IGF2BP1: variants seen among roughly 807,000 people sequenced by gnomAD.
IGF2BP1 encodes the protein insulin-like growth factor 2 mRNA-binding protein 1.
A neutral mutation model predicts 74.9 loss-of-function variants in IGF2BP1; 11 were observed. The observed-to-expected ratio is 0.15, with a 90% CI of 0.09 to 0.24. The LOEUF is 0.24. Among genes scored for constraint, IGF2BP1 ranks in the 10% least tolerant of loss-of-function variants. The pLI is 1.00. For synonymous variants in IGF2BP1, 287 were observed against 281.8 expected (o/e 1.02, Z -0.18); for missense variants, 440 against 757.4 (o/e 0.58, Z 4.92).
chr17:49,046,092 T>C (rs2042104904), intron 13 of IGF2BP1, 71 bp downstream of exon 13: 6 of 1,568,976 alleles, frequency 3.8e-6, no homozygotes, highest in Non-Finnish European at 5.2e-6. Flanking sequence ...TCTGGTCTCC[T>C]GTACTGCTCA....
intron 2 of IGF2BP1, among the ~76,000 whole-genome samples, chr17:49,021,458 G>GT (rs1167378574): frequency 6.6e-6 from 1 of 152,110 alleles, no homozygotes; most frequent in Non-Finnish European, 1.5e-5. Flanking sequence ...GCCCAGCAGC[G>GT]TTTGAGAGGT....
At chr17:49,018,317 G>C (rs1428665060) in intron 2 of IGF2BP1, among the ~76,000 whole-genome samples, 1 of 152,178 alleles carries the variant, frequency 6.6e-6, no homozygotes, top group Non-Finnish European at 1.5e-5. Context: ...CGTGAGCATG[G>C]TGTGTGTGTT....
rs1189640851 is a variant in IGF2BP1 at position 49,026,647 on chromosome 17, GCCTGCCTT to G, written c.337+150_337+157del. 4.0e-4 allele frequency: 197 copies of G among 492,452 alleles called. 1 individual carries two copies. Among genetic ancestry groups the G allele is most frequent in the Middle Eastern group, 3.0e-3 (5 of 1,692 alleles). 30.5% of individuals were successfully genotyped at this position (492,452 alleles called of 1,614,324 possible). Reference sequence around the variant, plus strand: ...TTCCTTCCTTCCTGCCTTCCTTCCTGCCTGCCTTCCTGCCTTCCTGCCTTCCTTCCTGC... The same window carrying G: ...TTCCTTCCTTCCTGCCTTCCTTCCTGCCTGCCTTCCTGCCTTCCTTCCTGC... On this transcript the variant is annotated intron_variant, in intron 4 of 14. Coordinates refer to ENST00000290341, the MANE Select transcript of IGF2BP1 (RefSeq NM_006546.4).
chr17:49,053,547 G>A lies in IGF2BP1; in HGVS notation c.*4103G>A, dbSNP rs2042191155. 6.5e-6 allele frequency: 1 copy of A among 152,870 alleles called. No individual in the cohort carries two copies. Among genetic ancestry groups the A allele is most frequent in the African/African-American group, 2.4e-5 (1 of 41,448 alleles). The allele number at this position is 152,870 out of a possible 1,614,324, so 9.5% of individuals were successfully genotyped here. A position where few individuals can be genotyped will look rare whatever the true frequency, so the allele number is the denominator to read the frequency against. On this transcript the variant is annotated 3_prime_UTR_variant, in exon 15 of 15. Transcript: ENST00000290341. ...GGCTCCAGGTAGCTCCCTGTTGTGG[G>A]ACTGCTCTGTCCCCTGCCCCTACTG... is the stretch of plus-strand genomic sequence containing the variant.
chr17:49,005,261 G>A (rs138067145), intron 2 of IGF2BP1, among the ~76,000 whole-genome samples: 1 of 152,244 alleles, frequency 6.6e-6, no homozygotes, highest in Non-Finnish European at 1.5e-5. Context: ...TAATACAGTT[G>A]GAAAAAACCT....
rs1476533850 is a variant in IGF2BP1, at chr17:49,045,182, CT to C, written c.1395+120del. The C allele has an allele frequency of 3.8e-6, 3 of 779,260 alleles. No homozygotes were observed. In the East Asian group the frequency reaches 7.4e-5, roughly 19 times the overall value. 48.3% of individuals were successfully genotyped at this position (779,260 alleles called of 1,614,324 possible). On this transcript the variant is annotated intron_variant, in intron 12 of 14. Transcript: ENST00000290341. The stretch of plus-strand genomic sequence containing the variant: ...GTTAGCTGTCAAGTCCTCATCACAT[CT>C]TTAAGCCTTCCATGCAGGATAAAGG...
Position 49,024,405 on chromosome 17 carries a change from T to C in IGF2BP1, c.237-1213T>C, listed in dbSNP as rs530951637. Among the ~76,000 whole-genome samples the C allele has an allele frequency of 2.0e-5, 3 of 152,132 alleles. No homozygotes were observed. In the East Asian group the frequency reaches 5.8e-4, roughly 29 times the overall value. On this transcript the variant is annotated intron_variant, in intron 2 of 14. Coordinates refer to ENST00000290341, the MANE Select transcript of IGF2BP1 (RefSeq NM_006546.4). Reference sequence around the variant, plus strand: ...CTCCAGTTTGGGTGACAGAGCACTTTACAAGATTGTTAATAATAATGATAA... The same window carrying C: ...CTCCAGTTTGGGTGACAGAGCACTTCACAAGATTGTTAATAATAATGATAA...
chr17:49,043,425 C>T lies in IGF2BP1; in HGVS notation c.1078-3C>T. 2 of 1,613,792 alleles carry T rather than the reference C, an allele frequency of 1.2e-6. No homozygotes were observed. Among genetic ancestry groups the T allele is most frequent in the Middle Eastern group, 1.7e-4 (1 of 5,980 alleles). On this transcript the variant is annotated splice_region_variant and splice_polypyrimidine_tract_variant and intron_variant, in intron 9 of 14. Transcript: ENST00000290341. ...ACTCTTCCTCCTCATCTTTCTTCCC[C>T]AGCTGCAGTCTCACCTGATCCCTGG...
At chr17:49,004,140 A>C (rs2041519022) in intron 2 of IGF2BP1, among the ~76,000 whole-genome samples, 1 of 152,160 alleles carries the variant, frequency 6.6e-6, no homozygotes, top group African/African-American at 2.4e-5. Flanking sequence ...TCTCTTAACA[A>C]GCCCCTGACA....
intron 2 of IGF2BP1, among the ~76,000 whole-genome samples, chr17:49,011,948 C>G (rs2041624866): frequency 7.1e-6 from 1 of 141,082 alleles, no homozygotes; most frequent in African/African-American, 2.7e-5. Flanking sequence ...TGCTTTGTCA[C>G]CCAGGCTGTA....
rs1379802198 is a variant in IGF2BP1, at chr17:49,055,294, T to C, written c.*5850T>C. 4.5e-6 allele frequency: 1 copy of C among 224,598 alleles called. No homozygotes were observed. The highest frequency in any genetic ancestry group is 8.7e-6 in the Non-Finnish European group (1 of 115,354). The allele number at this position is 224,598 out of a possible 1,614,324, so 13.9% of individuals were successfully genotyped here. ...TCTTCACTTGTTTAAGATAACGTGC[T>C]AGCTATTCCAACAGGTAACAGCTTT... is the stretch of plus-strand genomic sequence containing the variant. On this transcript the variant is annotated 3_prime_UTR_variant, in exon 15 of 15. Transcript: ENST00000290341.
At position 49,055,842 on chromosome 17, in the gene IGF2BP1, T is replaced by TTG. The variant is rs1242110271; in HGVS notation, c.*6399_*6400insGT. Among the ~76,000 whole-genome samples, 1 of 126,474 alleles carries TTG rather than the reference T, an allele frequency of 7.9e-6. No individual in the cohort carries two copies. Among genetic ancestry groups the TTG allele is most frequent in the Non-Finnish European group, 1.9e-5 (1 of 53,660 alleles). The allele number at this position is 126,474 out of a possible 152,430, so 83.0% of individuals were successfully genotyped here. On this transcript the variant is annotated 3_prime_UTR_variant, in exon 15 of 15. Coordinates refer to ENST00000290341, the MANE Select transcript of IGF2BP1 (RefSeq NM_006546.4). ...AGGCCTACTGCTTGGGACAGTTTTTTTTTTTTTTTTTTTTTTAAATATGAG... is the reference window on the plus strand; with the variant it reads ...AGGCCTACTGCTTGGGACAGTTTTTTTGTTTTTTTTTTTTTTTTAAATATGAG...
At chr17:49,000,578 A>G (rs1195229398) in intron 2 of IGF2BP1, among the ~76,000 whole-genome samples, 1 of 152,210 alleles carries the variant, frequency 6.6e-6, no homozygotes, top group South Asian at 2.1e-4. Context: ...TGTCTAAGGA[A>G]CATACACTGA....
In IGF2BP1 at chr17:49,055,937, A is replaced by G. The variant is rs907756618; in HGVS notation, c.*6493A>G. On this transcript the variant is annotated 3_prime_UTR_variant, in exon 15 of 15. Transcript: ENST00000290341. The stretch of plus-strand genomic sequence containing the variant: ...TACTGGAAATCTGCCAGCCATCACC[A>G]CCCGATTTTGATTGTATCCTTCCTC... Among the ~76,000 whole-genome samples, 2 of 146,816 alleles carry G rather than the reference A, an allele frequency of 1.4e-5. No homozygotes were observed. Among genetic ancestry groups the G allele is most frequent in the Non-Finnish European group, 3.0e-5 (2 of 67,276 alleles).
intron 2 of IGF2BP1, among the ~76,000 whole-genome samples, chr17:49,007,431 A>G (rs773844975): frequency 6.6e-6 from 1 of 152,250 alleles, no homozygotes; most frequent in Non-Finnish European, 1.5e-5. Flanking sequence ...ATGCAGGCAC[A>G]TGGGTGGGTG....
chr17:49,037,218 C>A, intron 5 of IGF2BP1: 1 of 466,750 alleles, frequency 2.1e-6, no homozygotes, highest in Non-Finnish European at 4.1e-6. Context: ...TTCTGAACAA[C>A]TTCAAGATTT....
At chr17:49,023,562 A>G (rs956806360) in intron 2 of IGF2BP1, among the ~76,000 whole-genome samples, 4 of 152,118 alleles carry the variant, frequency 2.6e-5, no homozygotes, top group African/African-American at 9.6e-5. Context: ...CTGTTTTCAA[A>G]CCCCTTCCCC....
intron 1 of IGF2BP1, among the ~76,000 whole-genome samples, chr17:48,998,320 C>T (rs1015781773): frequency 6.6e-6 from 1 of 152,236 alleles, no homozygotes; most frequent in Admixed American, 6.5e-5. Flanking sequence ...TGGAAAACCC[C>T]GGCTCCCGTT....
In IGF2BP1 at chr17:49,049,445, C is replaced by G; in HGVS notation, c.*1C>G. ...CCAGGCCCAGGCACGGAGGAAGTGA[C>G]CAGCCCCTCCCTGTCCCTTCGAGTC... is the stretch of plus-strand genomic sequence containing the variant. On this transcript the variant is annotated 3_prime_UTR_variant, in exon 15 of 15. Coordinates refer to ENST00000290341, the MANE Select transcript of IGF2BP1 (RefSeq NM_006546.4). 6.2e-7 allele frequency: 1 copy of G among 1,612,848 alleles called. No homozygotes were observed. The highest frequency in any genetic ancestry group is 1.7e-5 in the Admixed American group (1 of 60,008).
Sources: allele counts gnomAD v4.1 joint callset (sites outside exome capture counted in the v4.1 genomes callset), GRCh38; gene constraint gnomAD v4.1.1; transcripts MANE v1.5; gene names NCBI Gene and HGNC (gene_info 2026-07-23, HGNC 2026-07-21).